The following CTNNA3 variants were observed in gnomAD, a reference collection of about 807,000 sequenced individuals.
CTNNA3 encodes catenin alpha-3.
Under a neutral mutation model 95.7 loss-of-function variants are expected in CTNNA3, and 76 were observed. That is an observed-to-expected ratio of 0.79 (90% CI 0.66 to 0.96). The LOEUF (loss-of-function observed/expected upper bound fraction) is 0.96. Ranked by LOEUF, CTNNA3 falls within the 40% of genes least tolerant of loss-of-function variation. CTNNA3 has a pLI of 0.00. For synonymous variants in CTNNA3, 431 were observed against 374.4 expected (o/e 1.15, Z -1.74); for missense variants, 1,191 against 1,089.8 (o/e 1.09, Z -1.31).
intron 2 of CTNNA3, among the ~76,000 whole-genome samples, chr10:67,612,352 G>A (rs1265293053): frequency 2.0e-5 from 3 of 152,148 alleles, no homozygotes; most frequent in African/African-American, 7.2e-5. Context: ...AGAAAGTGCT[G>A]CCAAAATTGC....
intron 5 of CTNNA3, among the ~76,000 whole-genome samples, chr10:67,342,937 C>CT (rs1319671848): frequency 6.6e-6 from 1 of 151,948 alleles, no homozygotes; most frequent in Non-Finnish European, 1.5e-5. Flanking sequence ...TGTTCTGGCT[C>CT]TTTCGTGGTT....
chr10:67,371,820 G>C (rs1285633405), intron 5 of CTNNA3, among the ~76,000 whole-genome samples: 2 of 152,174 alleles, frequency 1.3e-5, no homozygotes, highest in Non-Finnish European at 1.5e-5. Flanking sequence ...TTCCACAATG[G>C]TTCAACTAGT....
In CTNNA3 at chr10:67,006,411, C is replaced by CTG; in HGVS notation, c.1047+173904_1047+173905dup. Among the ~76,000 whole-genome samples, 4 of 152,270 alleles carry CTG rather than the reference C, an allele frequency of 2.6e-5. 1 individual carries two copies. Among genetic ancestry groups the CTG allele is most frequent in the Admixed American group, 2.6e-4 (4 of 15,292 alleles). On this transcript the variant is annotated intron_variant, in intron 7 of 17. Transcript: ENST00000433211. ...CCACCCCTTCTCTTTCTCCCTCTTT[C>CTG]TGTGCTATGTATATACTACTCTACA... is the stretch of plus-strand genomic sequence containing the variant.
At chr10:67,230,707 C>A (rs879735776) in intron 5 of CTNNA3, among the ~76,000 whole-genome samples, 2 of 152,212 alleles carry the variant, frequency 1.3e-5, no homozygotes, top group African/African-American at 2.4e-5. Flanking sequence ...CGGTCTACAG[C>A]TCCCAGCTTG....
intron 7 of CTNNA3, among the ~76,000 whole-genome samples, chr10:67,074,522 C>T (rs1206222947): frequency 1.3e-5 from 2 of 150,700 alleles, no homozygotes; most frequent in Admixed American, 6.6e-5. Context: ...GGCTAATTTT[C>T]TGTATTTTTA....
At chr10:66,673,229 T>C (rs1317166622) in intron 9 of CTNNA3, among the ~76,000 whole-genome samples, 1 of 152,128 alleles carries the variant, frequency 6.6e-6, no homozygotes, top group East Asian at 1.9e-4. Flanking sequence ...TTTAGTCAGA[T>C]TGCATACCAC....
chr10:66,021,329 C>A (rs2079201621), intron 15 of CTNNA3, among the ~76,000 whole-genome samples: 1 of 152,112 alleles, frequency 6.6e-6, no homozygotes, highest in Non-Finnish European at 1.5e-5. Flanking sequence ...TACTGAAGAG[C>A]AATCCACATC....
At chr10:66,394,181 A>C (rs2092955958) in intron 11 of CTNNA3, among the ~76,000 whole-genome samples, 2 of 152,070 alleles carry the variant, frequency 1.3e-5, no homozygotes, top group Non-Finnish European at 2.9e-5. Flanking sequence ...TACATTGACT[A>C]TGCTCTGGTA....
chr10:67,315,400 A>G (rs1564560042), intron 5 of CTNNA3, among the ~76,000 whole-genome samples: 1 of 152,188 alleles, frequency 6.6e-6, no homozygotes, highest in Non-Finnish European at 1.5e-5. Flanking sequence ...ACTGACCATA[A>G]TAATATCTAA....
At chr10:67,176,722 A>G (rs1182731750) in intron 7 of CTNNA3, among the ~76,000 whole-genome samples, 2 of 152,240 alleles carry the variant, frequency 1.3e-5, no homozygotes, top group East Asian at 3.8e-4. Flanking sequence ...CACTAATCAC[A>G]TGAGTCCTAA....
chr10:67,080,911 A>G (rs1180394240), intron 7 of CTNNA3, among the ~76,000 whole-genome samples: 1 of 148,010 alleles, frequency 6.8e-6, no homozygotes, highest in Non-Finnish European at 1.5e-5. Context: ...TCTGTCTGAA[A>G]AAAAACAAAA....
chr10:66,980,695 T>G (rs1850377306), intron 7 of CTNNA3, among the ~76,000 whole-genome samples: 1 of 152,208 alleles, frequency 6.6e-6, no homozygotes, highest in Non-Finnish European at 1.5e-5. Context: ...TACAAAATTG[T>G]GCCAACTGAA....
chr10:66,749,637 T>C (rs949032451), intron 9 of CTNNA3, among the ~76,000 whole-genome samples: 2 of 152,212 alleles, frequency 1.3e-5, no homozygotes, highest in African/African-American at 2.4e-5. Context: ...ATTGCTTTCA[T>C]GTTTTGGCAA....
At chr10:67,574,728 C>G (rs985473160) in intron 3 of CTNNA3, among the ~76,000 whole-genome samples, 2 of 151,788 alleles carry the variant, frequency 1.3e-5, no homozygotes, top group African/African-American at 2.4e-5. Context: ...CTACAGGCAC[C>G]CACCGCCATG....
At chr10:67,364,889 G>T (rs1843147956) in intron 5 of CTNNA3, among the ~76,000 whole-genome samples, 1 of 152,012 alleles carries the variant, frequency 6.6e-6, no homozygotes, top group Non-Finnish European at 1.5e-5. Flanking sequence ...AAATTCATAT[G>T]GAACCAAAAA....
At chr10:67,142,836 G>C (rs1345433698) in intron 7 of CTNNA3, among the ~76,000 whole-genome samples, 1 of 151,952 alleles carries the variant, frequency 6.6e-6, no homozygotes, top group Non-Finnish European at 1.5e-5. Flanking sequence ...GGAGGCTGAG[G>C]CAGGGGAATC....
intron 5 of CTNNA3, among the ~76,000 whole-genome samples, chr10:67,276,102 C>T (rs1445606859): frequency 6.6e-6 from 1 of 152,112 alleles, no homozygotes; most frequent in South Asian, 2.1e-4. Flanking sequence ...TACAGACTTA[C>T]CAAGACTGGC....
chr10:66,694,243 G>T (rs1474852267), intron 9 of CTNNA3, among the ~76,000 whole-genome samples: 4 of 151,862 alleles, frequency 2.6e-5, no homozygotes, highest in African/African-American at 4.8e-5. Context: ...AAAGAGAGAA[G>T]AATCAAATAG....
chr10:67,530,783 C>G (rs1480886346), intron 4 of CTNNA3, among the ~76,000 whole-genome samples: 1 of 152,220 alleles, frequency 6.6e-6, no homozygotes, highest in African/African-American at 2.4e-5. Context: ...GACTTCCCAG[C>G]AGCCCCTCCC....
Sources: gnomAD v4.1 joint callset for allele counts (sites outside exome capture counted in the v4.1 genomes callset) on GRCh38, gnomAD v4.1.1 for gene constraint, MANE v1.5 for transcripts, NCBI Gene and HGNC (gene_info 2026-07-23, HGNC 2026-07-21) for gene names.